The following TRPC4 variants were observed in gnomAD, a reference collection of about 807,000 sequenced individuals.
TRPC4 encodes the protein short transient receptor potential channel 4.
TRPC4 carries 49 observed loss-of-function variants against 99.4 expected under a neutral mutation model. The ratio of observed to expected loss-of-function variants is 0.49; its 90% CI spans 0.39 to 0.63. The LOEUF (loss-of-function observed/expected upper bound fraction) is 0.63. TRPC4 is among the 20% of genes least tolerant of loss of function. The pLI is 0.00. For missense variants in TRPC4, 898 were observed against 1,152.9 expected, an observed-to-expected ratio of 0.78 and a Z score of 3.20; for synonymous variants, 454 against 425.9, an observed-to-expected ratio of 1.07 and a Z score of -0.81.
intron 1 of TRPC4, among the ~76,000 whole-genome samples, chr13:37,853,063 A>T (rs904284707): frequency 2.6e-5 from 4 of 151,708 alleles, no homozygotes; most frequent in Admixed American, 2.0e-4. Context: ...AAAGAATAAA[A>T]ACCTGGCCTG....
chr13:37,866,044 T>C (rs1414689699), intron 1 of TRPC4, among the ~76,000 whole-genome samples: 2 of 151,822 alleles, frequency 1.3e-5, no homozygotes, highest in African/African-American at 4.8e-5. Flanking sequence ...CTTGATAGTA[T>C]TTGCTTGAAG....
In TRPC4 at chr13:37,693,683, A is replaced by T. The variant is rs143900631; in HGVS notation, c.898-1348T>A. On this transcript the variant is annotated intron_variant, in intron 3 of 10. Coordinates refer to ENST00000379705, the MANE Select transcript of TRPC4 (RefSeq NM_016179.4). ...GAAAGAGATGAGGTGACATTCAAAG[A>T]GTAATCCAATAGTTGAGGTGTTCAA... Among the ~76,000 whole-genome samples, 521 of 152,334 alleles carry T rather than the reference A, an allele frequency of 3.4e-3. 3 individuals are homozygous for T. Among genetic ancestry groups the T allele is most frequent in the African/African-American group, 0.012 (489 of 41,572 alleles).
Position 37,655,025 on chromosome 13 carries a change from G to A in TRPC4, c.1884+63C>T. On this transcript the variant is annotated intron_variant, in intron 7 of 10. Coordinates refer to ENST00000379705, the MANE Select transcript of TRPC4 (RefSeq NM_016179.4). Reference sequence around the variant, plus strand: ...TTATTTACGATGATAAGAAGATGGAGTATAGCTAAGAACAACACATTCTAG... The same window carrying A: ...TTATTTACGATGATAAGAAGATGGAATATAGCTAAGAACAACACATTCTAG... The A allele has an allele frequency of 6.5e-6, 8 of 1,224,494 alleles. No homozygotes were observed. The South Asian group carries it at 6.8e-5, about 10-fold the overall frequency. The allele number at this position is 1,224,494 out of a possible 1,614,324, so 75.9% of individuals were successfully genotyped here. A position where few individuals can be genotyped will look rare whatever the true frequency, so the allele number is the denominator to read the frequency against.
intron 6 of TRPC4, 142 bp downstream of exon 6, chr13:37,663,274 T>A (rs1952514278): frequency 3.0e-6 from 2 of 666,456 alleles, no homozygotes; most frequent in Admixed American, 7.2e-5. Context: ...TTCAAAGCCA[T>A]GTTAATTCTG....
intron 3 of TRPC4, among the ~76,000 whole-genome samples, chr13:37,709,159 A>G (rs563807232): frequency 1.8e-4 from 27 of 151,970 alleles, no homozygotes; most frequent in African/African-American, 6.5e-4. Flanking sequence ...TCACTATATC[A>G]CTGCAGTATC....
intron 1 of TRPC4, among the ~76,000 whole-genome samples, chr13:37,859,290 A>G (rs1200907200): frequency 6.6e-6 from 1 of 151,354 alleles, no homozygotes; most frequent in Non-Finnish European, 1.5e-5. Flanking sequence ...CTTTATTTGG[A>G]GGTCTTAAGA....
chr13:37,760,203 T>C (rs1316764898), intron 2 of TRPC4, among the ~76,000 whole-genome samples: 2 of 151,956 alleles, frequency 1.3e-5, no homozygotes, highest in African/African-American at 2.4e-5. Flanking sequence ...CAAAATCCTC[T>C]ATAATTAGGT....
At chr13:37,696,730 C>A (rs1310955614) in intron 3 of TRPC4, among the ~76,000 whole-genome samples, 1 of 152,114 alleles carries the variant, frequency 6.6e-6, no homozygotes, top group Non-Finnish European at 1.5e-5. Flanking sequence ...CATATACATA[C>A]CAGTATGCTC....
At chr13:37,790,134 A>G (rs1957077866) in intron 1 of TRPC4, among the ~76,000 whole-genome samples, 1 of 152,170 alleles carries the variant, frequency 6.6e-6, no homozygotes, top group African/African-American at 2.4e-5. Flanking sequence ...GTAAAATATA[A>G]AAGTTAATAG....
At chr13:37,824,334 C>CA (rs1958130917) in intron 1 of TRPC4, among the ~76,000 whole-genome samples, 1 of 146,816 alleles carries the variant, frequency 6.8e-6, no homozygotes, top group African/African-American at 2.5e-5. Flanking sequence ...TGAGAGAGGG[C>CA]ATCCCTGTCT....
intron 1 of TRPC4, among the ~76,000 whole-genome samples, chr13:37,824,498 G>C (rs941469022): frequency 6.6e-6 from 1 of 151,910 alleles, no homozygotes; most frequent in African/African-American, 2.4e-5. Context: ...GTTGAATTTT[G>C]TCAAAGGCCT....
intron 1 of TRPC4, among the ~76,000 whole-genome samples, chr13:37,804,131 T>C (rs1484183006): frequency 6.6e-6 from 1 of 152,040 alleles, no homozygotes; most frequent in Non-Finnish European, 1.5e-5. Flanking sequence ...AGGCACAATA[T>C]TGGAGATGGG....
At chr13:37,644,643 G>A (rs373473348) in intron 8 of TRPC4, among the ~76,000 whole-genome samples, 1 of 151,942 alleles carries the variant, frequency 6.6e-6, no homozygotes, top group Non-Finnish European at 1.5e-5. Context: ...GGCCGAAGAG[G>A]GTGGATCACG....
At chr13:37,786,289 G>GACACAC (rs10549960) in intron 1 of TRPC4, among the ~76,000 whole-genome samples, 3,052 of 140,998 alleles carry the variant, frequency 0.022, 52 homozygotes, top group African/African-American at 0.048. Context: ...CAGGGAGAAA[G>GACACAC]ACACACACAC....
At chr13:37,784,226 G>A (rs968900651) in intron 1 of TRPC4, among the ~76,000 whole-genome samples, 1 of 151,984 alleles carries the variant, frequency 6.6e-6, no homozygotes, top group African/African-American at 2.4e-5. Context: ...AATGGAGAGA[G>A]AATTTATTAT....
chr13:37,868,578 A>G (rs1270655580), intron 1 of TRPC4, among the ~76,000 whole-genome samples: 1 of 152,086 alleles, frequency 6.6e-6, no homozygotes, highest in Admixed American at 6.5e-5. Context: ...CAGAAATTAT[A>G]TGAGCTCTGA....
intron 1 of TRPC4, among the ~76,000 whole-genome samples, chr13:37,794,599 T>A (rs1175073175): frequency 6.6e-6 from 1 of 152,164 alleles, no homozygotes. Flanking sequence ...TAATCTTCAG[T>A]GAATATTAAC....
rs567530248 is a variant in TRPC4, at chr13:37,655,307, T to C, written c.1689-24A>G. ...ACCTGTAATAAAGATAAAATGATAC[T>C]AATAGCTATATTAATGGAATCATTA... On this transcript the variant is annotated intron_variant, in intron 6 of 10. Transcript: ENST00000379705. 2.9e-6 allele frequency: 4 copies of C among 1,395,134 alleles called. No individual in the cohort carries two copies. The African/African-American group carries it at 5.9e-5, about 20-fold the overall frequency. The allele number at this position is 1,395,134 out of a possible 1,614,324, so 86.4% of individuals were successfully genotyped here.
At chr13:37,805,411 G>C (rs1205804889) in intron 1 of TRPC4, among the ~76,000 whole-genome samples, 1 of 151,762 alleles carries the variant, frequency 6.6e-6, no homozygotes, top group Non-Finnish European at 1.5e-5. Flanking sequence ...GCCTTCACTG[G>C]GGAAGTCTTG....
Sources: allele counts gnomAD v4.1 joint callset (sites outside exome capture counted in the v4.1 genomes callset), GRCh38; gene constraint gnomAD v4.1.1; transcripts MANE v1.5; gene names NCBI Gene and HGNC (gene_info 2026-07-23, HGNC 2026-07-21).